Variants in DPEP3 observed in about 807,000 individuals in gnomAD.
DPEP3 encodes the protein dipeptidase 3, also known as membrane-bound dipeptidase 3.
DPEP3 carries 42 observed loss-of-function variants against 47.5 expected under a neutral mutation model. The observed-to-expected ratio is 0.88, with a 90% confidence interval of 0.69 to 1.14. The LOEUF (loss-of-function observed/expected upper bound fraction) is 1.14. Among genes scored for constraint, DPEP3 ranks in the 50% most tolerant of loss-of-function variants. DPEP3 has a pLI of 0.00. For synonymous variants in DPEP3, 276 were observed against 270.2 expected (o/e 1.02, Z -0.21); for missense variants, 560 against 635.0 (o/e 0.88, Z 1.27).
chr16:67,977,285 C>G lies in DPEP3; in HGVS notation c.1003G>C (p.Val335Leu), dbSNP rs780496390. 3.7e-6 allele frequency: 6 copies of G among 1,613,686 alleles called. No homozygotes were observed. The East Asian group carries it at 8.9e-5, about 24-fold the overall frequency. Residue 335 changes from valine to leucine, a missense_variant, in exon 7 of 10, where the codon GTG becomes CTG. By Grantham distance (32) the Val-to-Leu change is conservative. Transcript: ENST00000268793. ...GVLQCNLLAN[V>L]STVADHFDHI... ...TGGGACTTACCTGCCACAGTGGACACGTTAGCAAGCAGGTTGCACTGCAGC... is the reference window on the plus strand; with the variant it reads ...TGGGACTTACCTGCCACAGTGGACAGGTTAGCAAGCAGGTTGCACTGCAGC...
Position 67,980,233 on chromosome 16 carries a change from C to G in DPEP3, c.148G>C (p.Gly50Arg). Residue 50 changes from glycine (G) to arginine (R), a missense_variant, in exon 1 of 10, where the codon GGC becomes CGC. By Grantham distance (125) the Gly-to-Arg change is moderately radical. Coordinates refer to ENST00000268793, the MANE Select transcript of DPEP3 (RefSeq NM_001370198.1). ...GGCGTGGTGAAGAGGCTGGGGGAGCCCAGCGTGGAGAGGGCTCTGGGGGCG... is the reference window on the plus strand; with the variant it reads ...GGCGTGGTGAAGAGGCTGGGGGAGCGCAGCGTGGAGAGGGCTCTGGGGGCG... The part of the protein sequence containing the change: ...PGAPRALSTL[G>R]SPSLFTTPGV... The G allele has an allele frequency of 6.2e-7, 1 of 1,608,594 alleles. No individual in the cohort carries two copies. Among genetic ancestry groups the G allele is most frequent in the Middle Eastern group, 1.7e-4 (1 of 5,966 alleles).
rs1421028408 is a variant in DPEP3, at chr16:67,976,747, A to C, written c.1047T>G (p.Ile349Met). Reference sequence around the variant, plus strand: ...CACCAATCCCGATGAACTCAGATCCAATGACTGCCCTGATGTGGTCAAAGT... The same window carrying C: ...CACCAATCCCGATGAACTCAGATCCCATGACTGCCCTGATGTGGTCAAAGT... ...ADHFDHIRAV[I>M]GSEFIGIGGN... Residue 349 changes from isoleucine (I) to methionine (M), a missense_variant, in exon 8 of 10, where the codon ATT (isoleucine) becomes ATG (methionine). Physicochemically the swap from Ile to Met is conservative, Grantham distance 10 (BLOSUM62 1). Transcript: ENST00000268793. 1.9e-6 allele frequency: 3 copies of C among 1,613,972 alleles called. No homozygotes were observed. The highest frequency in any genetic ancestry group is 2.5e-6 in the Non-Finnish European group (3 of 1,180,002).
At chr16:67,979,096 G>C (rs934097976) in intron 2 of DPEP3, among the ~76,000 whole-genome samples, 1 of 152,196 alleles carries the variant, frequency 6.6e-6, no homozygotes, top group African/African-American at 2.4e-5. Flanking sequence ...TGTGAGGTCA[G>C]GAGTTCGAGA....
In DPEP3 at chr16:67,978,941, A is replaced by T. The variant is rs1007510720; in HGVS notation, c.415-315T>A. Among the ~76,000 whole-genome samples, 110 of 152,174 alleles carry T rather than the reference A, an allele frequency of 7.2e-4. No individual in the cohort carries two copies. The highest frequency in any genetic ancestry group is 2.5e-3 in the African/African-American group (102 of 41,512). Reference sequence around the variant, plus strand: ...CAAAGTGTTGGCATTACAGATGTGAACTACCGAGCCTGGTTCCTTGATGAC... The same window carrying T: ...CAAAGTGTTGGCATTACAGATGTGATCTACCGAGCCTGGTTCCTTGATGAC... On this transcript the variant is annotated intron_variant, in intron 2 of 9. Transcript: ENST00000268793. The surrounding 1 kb of genome is among the most constrained non-coding windows in gnomAD (Gnocchi z 4.4).
In DPEP3 at chr16:67,978,143, C is replaced by A; in HGVS notation, c.686+124G>T. 2 of 1,574,058 alleles carry A rather than the reference C, an allele frequency of 1.3e-6. No individual in the cohort carries two copies. The highest frequency in any genetic ancestry group is 1.7e-6 in the Non-Finnish European group (2 of 1,148,534). On this transcript the variant is annotated intron_variant, in intron 4 of 9. Coordinates refer to ENST00000268793, the MANE Select transcript of DPEP3 (RefSeq NM_001370198.1). The surrounding 1 kb of genome is among the most constrained non-coding windows in gnomAD (Gnocchi z 4.4). ...GCTGCTTTCTGGGATTGTGAGGGAC[C>A]CACTGGGTGTCCAGCCTCCCTCTGC...
In DPEP3 at chr16:67,977,982, G is replaced by A. The variant is rs1429323243; in HGVS notation, c.712C>T (p.His238Tyr). The change falls in exon 5 of 10, where the codon CAC becomes TAC. Residue 238 changes from histidine to tyrosine, a missense_variant. Transcript: ENST00000268793. ...CCGCTGACGTTGGTGTACATGTGGTGTCTGAACTTGGTGGAACTCTCTGCC... is the reference window on the plus strand; with the variant it reads ...CCGCTGACGTTGGTGTACATGTGGTATCTGAACTTGGTGGAACTCTCTGCC... ...PWAESSTKFR[H>Y]HMYTNVSGLT... 9.9e-6 allele frequency: 16 copies of A among 1,613,852 alleles called. No individual in the cohort carries two copies. Among genetic ancestry groups the A allele is most frequent in the Admixed American group, 5.0e-5 (3 of 59,992 alleles).
Position 67,976,945 on chromosome 16 carries a change from C to T in DPEP3, c.1019-170G>A, listed in dbSNP as rs1444615644. Among the ~76,000 whole-genome samples, 4 of 152,184 alleles carry T rather than the reference C, an allele frequency of 2.6e-5. No homozygotes were observed. In the East Asian group the frequency reaches 5.8e-4, roughly 22 times the overall value. Reference sequence around the variant, plus strand: ...CTGGACCTAGAGTGGACCTTGGAGCCACCCCTTTGGGACTTTTCCTGCCCA... The same window carrying T: ...CTGGACCTAGAGTGGACCTTGGAGCTACCCCTTTGGGACTTTTCCTGCCCA... On this transcript the variant is annotated intron_variant, in intron 7 of 9. Coordinates refer to ENST00000268793, the MANE Select transcript of DPEP3 (RefSeq NM_001370198.1).
chr16:67,978,139 G>A lies in DPEP3; in HGVS notation c.686+128C>T. ...ACCAGCTGCTTTCTGGGATTGTGAG[G>A]GACCCACTGGGTGTCCAGCCTCCCT... On this transcript the variant is annotated intron_variant, in intron 4 of 9. Transcript: ENST00000268793. The surrounding 1 kb of genome is among the most constrained non-coding windows in gnomAD (Gnocchi z 4.4). 3.2e-6 allele frequency: 5 copies of A among 1,572,842 alleles called. No homozygotes were observed. Among genetic ancestry groups the A allele is most frequent in the Non-Finnish European group, 4.4e-6 (5 of 1,147,628 alleles).
Position 67,978,210 on chromosome 16 carries a change from G to A in DPEP3, c.686+57C>T. On this transcript the variant is annotated intron_variant, in intron 4 of 9. Transcript: ENST00000268793. The surrounding 1 kb of genome is among the most constrained non-coding windows in gnomAD (Gnocchi z 4.4). ...AACGGCTTGGTCACACCCATGCCAGGAATGGGGCAGTTTCCACACCATGCC... is the reference window on the plus strand; with the variant it reads ...AACGGCTTGGTCACACCCATGCCAGAAATGGGGCAGTTTCCACACCATGCC... The A allele has an allele frequency of 6.2e-7, 1 of 1,611,524 alleles. No individual in the cohort carries two copies. The highest frequency in any genetic ancestry group is 1.1e-5 in the South Asian group (1 of 90,996).
chr16:67,980,319 A>G lies in DPEP3; in HGVS notation c.62T>C (p.Leu21Pro). Residue 21 changes from leucine to proline, a missense_variant, in exon 1 of 10, where the codon CTG becomes CCG. Physicochemically the swap from Leu to Pro is moderately conservative, Grantham distance 98. Coordinates refer to ENST00000268793, the MANE Select transcript of DPEP3 (RefSeq NM_001370198.1). ...CAGCAGCAGCAGCAGTAGCAGGAGC[A>G]GCAGACGCCGCAGATACCGCCGGCT... ...ALSRRYLRRL[L>P]LLLLLLLLRQ... 4 of 1,559,398 alleles carry G rather than the reference A, an allele frequency of 2.6e-6. No homozygotes were observed. Among genetic ancestry groups the G allele is most frequent in the Non-Finnish European group, 3.5e-6 (4 of 1,153,402 alleles).
At chr16:67,979,812 G>A in intron 1 of DPEP3, 47 bp from the exon 2 acceptor site, 1 of 1,607,808 alleles carries the variant, frequency 6.2e-7, no homozygotes. Context: ...AGATCAGTCA[G>A]GATATATCAG....
rs776656042 is a variant in DPEP3 at position 67,976,701 on chromosome 16, G to A, written c.1093C>T (p.Arg365Trp). ...GAGAAACCTCAGGGAAGCACTCACCGGCCAGTCCCGTCATAATTTCCACCA... is the reference window on the plus strand; with the variant it reads ...GAGAAACCTCAGGGAAGCACTCACCAGCCAGTCCCGTCATAATTTCCACCA... ...GIGGNYDGTG[R>W]FPQGLEDVST... The change falls in exon 8 of 10, where the codon CGG (arginine) becomes TGG (tryptophan). Residue 365 changes from arginine (R) to tryptophan (W), a missense_variant and splice_region_variant. Coordinates refer to ENST00000268793, the MANE Select transcript of DPEP3 (RefSeq NM_001370198.1). 65 of 1,613,752 alleles carry A rather than the reference G, an allele frequency of 4.0e-5. No individual in the cohort carries two copies. The highest frequency in any genetic ancestry group is 1.6e-4 in the Middle Eastern group (1 of 6,084).
chr16:67,977,590 T>G (rs569713578), intron 6 of DPEP3, 63 bp downstream of exon 6: 50 of 1,534,714 alleles, frequency 3.3e-5, no homozygotes, highest in Non-Finnish European at 4.2e-5. Flanking sequence ...GGTGGCTTTG[T>G]GCTCAGGGTC....
At position 67,977,840 on chromosome 16, in the gene DPEP3, A is replaced by T. The variant is rs765277721; in HGVS notation, c.757-11T>A. The T allele has an allele frequency of 2.5e-6, 4 of 1,613,740 alleles. No homozygotes were observed. Among genetic ancestry groups the T allele is most frequent in the Middle Eastern group, 1.7e-4 (1 of 6,060 alleles). ...CTCCTCTACTACTTTCTGCAGAAACAATTAGGTTTTTTTGTGGGGGAGGGT... is the reference window on the plus strand; with the variant it reads ...CTCCTCTACTACTTTCTGCAGAAACTATTAGGTTTTTTTGTGGGGGAGGGT... On this transcript the variant is annotated splice_polypyrimidine_tract_variant and intron_variant, in intron 5 of 9. Transcript: ENST00000268793.
chr16:67,975,724 G>T lies in DPEP3; in HGVS notation c.*41C>A. On this transcript the variant is annotated 3_prime_UTR_variant, in exon 10 of 10. Transcript: ENST00000268793. ...TGAATGAACTAGGAGAGGGGGCTTT[G>T]TGAGGCTTTGCCACAGTGACCTCTG... 1 of 1,558,612 alleles carries T rather than the reference G, an allele frequency of 6.4e-7. No individual in the cohort carries two copies. Among genetic ancestry groups the T allele is most frequent in the Non-Finnish European group, 8.7e-7 (1 of 1,143,914 alleles).
chr16:67,977,188 G>T lies in DPEP3; in HGVS notation c.1018+82C>A, dbSNP rs1001148203. The T allele has an allele frequency of 4.7e-6, 6 of 1,280,400 alleles. No homozygotes were observed. The African/African-American group carries it at 8.8e-5, about 19-fold the overall frequency. 79.3% of individuals were successfully genotyped at this position (1,280,400 alleles called of 1,614,324 possible). ...GAGGTCTGCCCATTGCCCAACAGGT[G>T]CACTAGACTGCTAGAGTCGTCCTGA... On this transcript the variant is annotated intron_variant, in intron 7 of 9. Coordinates refer to ENST00000268793, the MANE Select transcript of DPEP3 (RefSeq NM_001370198.1).
In DPEP3 at chr16:67,977,317, A is replaced by T; in HGVS notation, c.971T>A (p.Met324Lys). ...NGGIVMVTLS[M>K]GVLQCNLLAN... ...AAGCAGGTTGCACTGCAGCACCCCC[A>T]TGGACAGTGTCACCATCACGATGCC... The change falls in exon 7 of 10, where the codon ATG becomes AAG. Residue 324 changes from methionine to lysine, a missense_variant. By Grantham distance (95) the Met-to-Lys change is moderately conservative (BLOSUM62 -1). Transcript: ENST00000268793. 1 of 1,613,940 alleles carries T rather than the reference A, an allele frequency of 6.2e-7. No homozygotes were observed. Among genetic ancestry groups the T allele is most frequent in the South Asian group, 1.1e-5 (1 of 91,086 alleles).
At position 67,975,778 on chromosome 16, in the gene DPEP3, T is replaced by A; in HGVS notation, c.1454A>T (p.Gln485Leu). ...GGACCGACTGTGTCAGCAGAGCCAC[T>A]GGGTGAAGGTTGGGATGGTGGCAGC... ...VAAATIPTFT[Q>L]WLC Residue 485 changes from glutamine (Q) to leucine (L), a missense_variant, in exon 10 of 10, where the codon CAG (glutamine) becomes CTG (leucine). By Grantham distance (113) the Gln-to-Leu change is moderately radical (BLOSUM62 -2). Transcript: ENST00000268793. 1 of 1,613,034 alleles carries A rather than the reference T, an allele frequency of 6.2e-7. No individual in the cohort carries two copies. The highest frequency in any genetic ancestry group is 8.5e-7 in the Non-Finnish European group (1 of 1,179,564).
chr16:67,975,987 G>GCT lies in DPEP3; in HGVS notation c.1243_1244dup (p.Ser415ArgfsTer17), dbSNP rs2031185983. The GCT allele has an allele frequency of 6.2e-7, 1 of 1,613,948 alleles. No individual in the cohort carries two copies. Among genetic ancestry groups the GCT allele is most frequent in the Non-Finnish European group, 8.5e-7 (1 of 1,179,842 alleles). On this transcript the variant is annotated frameshift_variant, in exon 10 of 10. Transcript: ENST00000268793. LOFTEE classifies it high-confidence loss of function. The stretch of plus-strand genomic sequence containing the variant: ...CAGCCTCCACGGGGCTCTGCGCCCT[G>GCT]CTCTCCTCTCTCACCTGGGGGAGGA...
Sources: allele counts gnomAD v4.1 joint callset (sites outside exome capture counted in the v4.1 genomes callset), GRCh38; gene constraint gnomAD v4.1.1; non-coding constraint Gnocchi (gnomAD v3.1); transcripts MANE v1.5; gene names NCBI Gene and HGNC (gene_info 2026-07-23, HGNC 2026-07-21).